Variants in CERT1 observed in about 807,000 individuals in gnomAD.
The protein encoded by CERT1 is ceramide transfer protein.
CERT1 carries 31 observed loss-of-function variants against 87.9 expected under a neutral mutation model. That is an observed-to-expected ratio of 0.35 (90% CI 0.27 to 0.48). CERT1 has a LOEUF of 0.48. CERT1 is among the 20% of genes least tolerant of loss of function. The pLI is 0.99. For synonymous variants in CERT1, 289 were observed against 250.9 expected, an observed-to-expected ratio of 1.15 and a Z score of -1.44; for missense variants, 487 against 758.0, an observed-to-expected ratio of 0.64 and a Z score of 4.20.
chr5:75,477,136 A>G (rs1490782601), intron 2 of CERT1, among the ~76,000 whole-genome samples: 1 of 152,170 alleles, frequency 6.6e-6, no homozygotes, highest in African/African-American at 2.4e-5. Context: ...AAACTTTGGA[A>G]TCTTATTTTC....
At chr5:75,413,446 T>A (rs1393157889) in intron 7 of CERT1, among the ~76,000 whole-genome samples, 1 of 152,152 alleles carries the variant, frequency 6.6e-6, no homozygotes, top group Non-Finnish European at 1.5e-5. Flanking sequence ...GGACTACAGA[T>A]CCACCAGAAT....
intron 2 of CERT1, among the ~76,000 whole-genome samples, chr5:75,485,436 C>T (rs1766478426): frequency 6.7e-6 from 1 of 149,344 alleles, no homozygotes; most frequent in South Asian, 2.1e-4. Context: ...ATGTAGAAAA[C>T]CTTCAAATAG....
Position 75,384,335 on chromosome 5 carries a change from A to C in CERT1, c.1488+307T>G, listed in dbSNP as rs545574228. ...GATCACTTGAGCTCAGGAGTTTGAG[A>C]CTAGCCTGGGAAATACAGCAAGACC... On this transcript the variant is annotated intron_variant, in intron 14 of 16. Coordinates refer to ENST00000643780, the MANE Select transcript of CERT1 (RefSeq NM_001379029.1). 2.6e-5 allele frequency among the ~76,000 whole-genome samples: 4 copies of C among 152,272 alleles called. No homozygotes were observed. In the South Asian group the frequency reaches 8.3e-4, roughly 32 times the overall value.
intron 5 of CERT1, among the ~76,000 whole-genome samples, chr5:75,421,306 TG>T (rs1389587029): frequency 3.3e-5 from 5 of 152,224 alleles, no homozygotes; most frequent in Admixed American, 1.3e-4. Flanking sequence ...TTTGATTAAA[TG>T]GTAGGAATCA....
intron 2 of CERT1, among the ~76,000 whole-genome samples, chr5:75,501,005 T>C (rs1037504630): frequency 6.6e-6 from 1 of 151,912 alleles, no homozygotes; most frequent in African/African-American, 2.4e-5. Context: ...TTTTTTTTTT[T>C]TGAGACAGGG....
At chr5:75,437,106 A>G (rs1012763682) in intron 3 of CERT1, among the ~76,000 whole-genome samples, 2 of 152,166 alleles carry the variant, frequency 1.3e-5, no homozygotes, top group Admixed American at 1.3e-4. Context: ...TTTAAATCCA[A>G]ATGAATCCAC....
intron 12 of CERT1, among the ~76,000 whole-genome samples, chr5:75,388,395 T>C (rs932324257): frequency 1.2e-4 from 18 of 151,828 alleles, no homozygotes; most frequent in African/African-American, 2.2e-4. Context: ...TTGCTCACAT[T>C]ATAATTTTTT....
intron 2 of CERT1, among the ~76,000 whole-genome samples, chr5:75,462,925 G>A (rs1217193070): frequency 7.1e-6 from 1 of 141,300 alleles, no homozygotes; most frequent in Non-Finnish European, 1.5e-5. Context: ...CCGGGAGGTA[G>A]AAGTTGCAGT....
At chr5:75,400,126 G>C in intron 10 of CERT1, 79 bp downstream of exon 10, 1 of 1,089,642 alleles carries the variant, frequency 9.2e-7, no homozygotes, top group Non-Finnish European at 1.4e-6. Context: ...GTGAGACTCC[G>C]TCTCAAATAA....
chr5:75,388,807 T>C (rs907275810), intron 12 of CERT1, among the ~76,000 whole-genome samples: 1 of 151,524 alleles, frequency 6.6e-6, no homozygotes, highest in Non-Finnish European at 1.5e-5. Context: ...GTATTTTTGG[T>C]AGAGACGGGG....
chr5:75,420,523 T>C (rs1356759229), intron 5 of CERT1, among the ~76,000 whole-genome samples: 1 of 152,072 alleles, frequency 6.6e-6, no homozygotes, highest in Admixed American at 6.5e-5. Context: ...TTTTGTATTT[T>C]TAGTAGAGAC....
intron 1 of CERT1, 46 bp from the exon 2 acceptor site, chr5:75,506,162 G>T: frequency 1.3e-6 from 2 of 1,579,302 alleles, no homozygotes; most frequent in South Asian, 1.2e-5. Flanking sequence ...ACAAAAAATA[G>T]AAGTATTTTA....
chr5:75,468,129 G>A (rs1346017537), intron 2 of CERT1, among the ~76,000 whole-genome samples: 1 of 152,140 alleles, frequency 6.6e-6, no homozygotes, highest in African/African-American at 2.4e-5. Context: ...GTTATAAGAA[G>A]GCAGAGCCAG....
chr5:75,480,394 T>TAC (rs1482486533), intron 2 of CERT1, among the ~76,000 whole-genome samples: 11 of 152,202 alleles, frequency 7.2e-5, no homozygotes, highest in South Asian at 4.1e-4. Context: ...ATCTCATTGT[T>TAC]AAGGAGAGCC....
At chr5:75,384,206 C>T (rs574479288) in intron 14 of CERT1, among the ~76,000 whole-genome samples, 1 of 152,220 alleles carries the variant, frequency 6.6e-6, no homozygotes, top group South Asian at 2.1e-4. Context: ...AAATGGATTT[C>T]AGTATTTCAG....
chr5:75,458,645 G>A (rs567851927), intron 3 of CERT1, among the ~76,000 whole-genome samples: 5 of 151,786 alleles, frequency 3.3e-5, no homozygotes, highest in South Asian at 2.1e-4. Context: ...TCTGCCTCCC[G>A]GATTCAAGCG....
At position 75,382,010 on chromosome 5, in the gene CERT1, G is replaced by C; in HGVS notation, c.1556C>G (p.Thr519Ser). 1 of 1,613,946 alleles carries C rather than the reference G, an allele frequency of 6.2e-7. No individual in the cohort carries two copies. The highest frequency in any genetic ancestry group is 8.5e-7 in the Non-Finnish European group (1 of 1,179,874). Residue 519 changes from threonine (T) to serine (S), a missense_variant, in exon 15 of 17, where the codon ACT (threonine) becomes AGT (serine). Coordinates refer to ENST00000643780, the MANE Select transcript of CERT1 (RefSeq NM_001379029.1). ...LSVIRKIPAL[T>S]ENDPETWIVC... The stretch of plus-strand genomic sequence containing the variant: ...TATCCAAGTTTCAGGGTCATTTTCA[G>C]TCAAGGCTGGTATCTTTCGAATGAC...
chr5:75,472,420 A>G (rs57626793), intron 2 of CERT1, among the ~76,000 whole-genome samples: 4,927 of 152,300 alleles, frequency 0.032, 266 homozygotes, highest in African/African-American at 0.11. Context: ...TAAAAAATAG[A>G]TGAGATTTCA....
intron 2 of CERT1, among the ~76,000 whole-genome samples, chr5:75,476,673 T>C (rs1047001576): frequency 4.6e-5 from 7 of 152,328 alleles, no homozygotes; most frequent in African/African-American, 1.7e-4. Flanking sequence ...CAAAGGTAGT[T>C]AGGTAATCAA....
Sources: allele counts gnomAD v4.1 joint callset (sites outside exome capture counted in the v4.1 genomes callset), GRCh38; gene constraint gnomAD v4.1.1; transcripts MANE v1.5; gene names NCBI Gene and HGNC (gene_info 2026-07-23, HGNC 2026-07-21).